Variants in PTPRG observed in about 807,000 individuals in gnomAD.
The protein encoded by PTPRG is receptor-type tyrosine-protein phosphatase gamma.
In PTPRG, 102 loss-of-function variants were observed where a neutral mutation model predicts 165.3. The observed-to-expected ratio is 0.62, with a 90% CI of 0.53 to 0.73. The LOEUF (loss-of-function observed/expected upper bound fraction) is 0.73, where lower values mean the gene tolerates loss of function less well. Among genes scored for constraint, PTPRG ranks in the 30% least tolerant of loss-of-function variants. The pLI is 0.00. For synonymous variants in PTPRG, 675 were observed against 669.5 expected, an observed-to-expected ratio of 1.01 and a Z score of -0.13; for missense variants, 1,866 against 1,861.4, an observed-to-expected ratio of 1.00 and a Z score of -0.05.
intron 1 of PTPRG, among the ~76,000 whole-genome samples, chr3:61,603,412 C>T (rs1383103973): frequency 3.3e-5 from 5 of 152,166 alleles, no homozygotes; most frequent in Non-Finnish European, 7.3e-5. Flanking sequence ...TCTGCTTTGC[C>T]TTCTGCCATG....
chr3:62,085,098 C>T (rs1701705065), intron 5 of PTPRG, among the ~76,000 whole-genome samples: 1 of 152,188 alleles, frequency 6.6e-6, no homozygotes, highest in Admixed American at 6.5e-5. Context: ...TGTATACCAC[C>T]AACCCACCTT....
chr3:62,113,779 A>G (rs190440054), intron 5 of PTPRG, among the ~76,000 whole-genome samples: 24 of 152,334 alleles, frequency 1.6e-4, no homozygotes, highest in East Asian at 1.4e-3. Context: ...CCCTAGTAAT[A>G]TGTAATAATC....
chr3:62,099,424 T>C (rs1376350163), intron 5 of PTPRG, among the ~76,000 whole-genome samples: 1 of 152,190 alleles, frequency 6.6e-6, no homozygotes, highest in Non-Finnish European at 1.5e-5. Flanking sequence ...AAGTGTTGAT[T>C]CCACTCTTAT....
rs28658405 is a variant in PTPRG at position 61,966,375 on chromosome 3, T to C, written c.191-23250T>C. On this transcript the variant is annotated intron_variant, in intron 2 of 29. Transcript: ENST00000474889. ...TGTGGCTGTGAGTGAGTTATCCTGA[T>C]GAGTGGGGAATGGGGAATGTCAAGA... 5.3e-3 allele frequency among the ~76,000 whole-genome samples: 812 copies of C among 152,242 alleles called. 3 individuals are homozygous for C. Among genetic ancestry groups the C allele is most frequent in the African/African-American group, 0.018 (766 of 41,542 alleles).
intron 2 of PTPRG, among the ~76,000 whole-genome samples, chr3:61,941,091 T>C (rs1238031428): frequency 2.0e-5 from 3 of 152,366 alleles, no homozygotes; most frequent in African/African-American, 7.2e-5. Context: ...CTCTTCTTCC[T>C]GTATTAAATG....
chr3:62,064,177 A>G (rs1369800180), intron 4 of PTPRG, among the ~76,000 whole-genome samples: 4 of 152,132 alleles, frequency 2.6e-5, no homozygotes, highest in Non-Finnish European at 5.9e-5. Context: ...AGTGTTTTAA[A>G]CAGTTGGGAT....
At chr3:61,673,651 A>T (rs2107084042) in intron 1 of PTPRG, among the ~76,000 whole-genome samples, 1 of 152,318 alleles carries the variant, frequency 6.6e-6, no homozygotes, top group African/African-American at 2.4e-5. Context: ...TTACATGCAT[A>T]GATTATGGAG....
chr3:62,076,049 G>A (rs997789732), intron 4 of PTPRG, among the ~76,000 whole-genome samples: 4 of 152,120 alleles, frequency 2.6e-5, no homozygotes, highest in South Asian at 2.1e-4. Context: ...GCCAGGGTGG[G>A]CGGATTGCTT....
intron 5 of PTPRG, among the ~76,000 whole-genome samples, chr3:62,085,078 C>T (rs1701704123): frequency 6.6e-6 from 1 of 152,178 alleles, no homozygotes; most frequent in Non-Finnish European, 1.5e-5. Context: ...TGTCTTGTTC[C>T]TCTTCTTTTT....
intron 2 of PTPRG, among the ~76,000 whole-genome samples, chr3:61,981,255 C>T (rs866084567): frequency 1.3e-5 from 2 of 152,174 alleles, no homozygotes; most frequent in East Asian, 1.9e-4. Flanking sequence ...TCCACCTAGT[C>T]GCTTCCATGA....
intron 2 of PTPRG, among the ~76,000 whole-genome samples, chr3:61,875,109 G>A (rs2037697876): frequency 6.6e-6 from 1 of 152,192 alleles, no homozygotes; most frequent in Non-Finnish European, 1.5e-5. Context: ...AAAGATCTCA[G>A]GAAATCTTTT....
intron 2 of PTPRG, among the ~76,000 whole-genome samples, chr3:61,941,913 C>G (rs1166953772): frequency 6.6e-6 from 1 of 151,936 alleles, no homozygotes; most frequent in Non-Finnish European, 1.5e-5. Flanking sequence ...AATCCCAATA[C>G]TTTGGAAGGT....
intron 4 of PTPRG, among the ~76,000 whole-genome samples, chr3:62,022,959 A>G (rs936205136): frequency 4.6e-5 from 7 of 152,004 alleles, no homozygotes; most frequent in African/African-American, 1.4e-4. Flanking sequence ...TTGTTCTTCA[A>G]TTGTCTTATT....
At chr3:61,971,049 G>A (rs1250186849) in intron 2 of PTPRG, among the ~76,000 whole-genome samples, 2 of 152,082 alleles carry the variant, frequency 1.3e-5, no homozygotes, top group East Asian at 1.9e-4. Context: ...GTAGTATCAG[G>A]GAGGACTTCA....
At chr3:61,816,829 A>G (rs192020715) in intron 2 of PTPRG, among the ~76,000 whole-genome samples, 311 of 151,510 alleles carry the variant, frequency 2.1e-3, no homozygotes, top group Middle Eastern at 0.014. Context: ...GATAAAAGTG[A>G]TGTCTCACTG....
At chr3:61,673,421 T>C (rs751276391) in intron 1 of PTPRG, among the ~76,000 whole-genome samples, 5 of 152,318 alleles carry the variant, frequency 3.3e-5, no homozygotes, top group Non-Finnish European at 7.4e-5. Context: ...GGGGCTCTCA[T>C]TGAGGTAGTT....
At chr3:61,713,029 C>T (rs191277253) in intron 1 of PTPRG, among the ~76,000 whole-genome samples, 1 of 152,240 alleles carries the variant, frequency 6.6e-6, no homozygotes, top group Non-Finnish European at 1.5e-5. Context: ...ATCCCAAGTA[C>T]CCCCTTTCAT....
chr3:62,267,607 T>C, intron 18 of PTPRG, 78 bp from the exon 19 acceptor site: 1 of 1,546,522 alleles, frequency 6.5e-7, no homozygotes, highest in South Asian at 1.2e-5. Flanking sequence ...GCCCATTCAA[T>C]ATGGAAGGCA....
At chr3:62,278,588 A>G (rs1261557567) in intron 26 of PTPRG, among the ~76,000 whole-genome samples, 3 of 152,066 alleles carry the variant, frequency 2.0e-5, no homozygotes, top group Non-Finnish European at 4.4e-5. Context: ...AGTCAGATTA[A>G]TGAGTTTTTT....
Sources: allele counts gnomAD v4.1 joint callset (sites outside exome capture counted in the v4.1 genomes callset), GRCh38; gene constraint gnomAD v4.1.1; transcripts MANE v1.5; gene names NCBI Gene and HGNC (gene_info 2026-07-23, HGNC 2026-07-21).